The following SLC7A14 variants were observed in gnomAD, a reference collection of about 807,000 sequenced individuals.
SLC7A14 encodes gamma-aminobutyric acid transporter SLC7A14.
Under a neutral mutation model 60.2 loss-of-function variants are expected in SLC7A14, and 37 were observed. The observed-to-expected ratio is 0.61, with a 90% confidence interval of 0.47 to 0.81. SLC7A14 has a LOEUF of 0.81. SLC7A14 is among the 30% of genes least tolerant of loss of function. The probability of loss-of-function intolerance (pLI) is 0.00; values close to 1 mark genes in which losing one functional copy is unlikely to be tolerated. For missense variants in SLC7A14, 886 were observed against 982.7 expected (o/e 0.90, Z 1.32); for synonymous variants, 399 against 395.8 (o/e 1.01, Z -0.10).
intron 7 of SLC7A14, among the ~76,000 whole-genome samples, chr3:170,477,722 G>A (rs1028826876): frequency 6.6e-6 from 1 of 152,100 alleles, no homozygotes; most frequent in Admixed American, 6.5e-5. Flanking sequence ...GTGTATGTGT[G>A]GTTTTTCTAA....
intron 4 of SLC7A14, among the ~76,000 whole-genome samples, chr3:170,494,911 A>G (rs927046314): frequency 1.6e-4 from 25 of 152,222 alleles, no homozygotes; most frequent in African/African-American, 5.8e-4. Context: ...GCTTTGGTAG[A>G]AAGGGCTTTG....
intron 2 of SLC7A14, among the ~76,000 whole-genome samples, chr3:170,516,046 G>A (rs976687876): frequency 6.6e-6 from 1 of 152,160 alleles, no homozygotes; most frequent in Non-Finnish European, 1.5e-5. Context: ...ACTACTAGGT[G>A]CTGCAGAAGA....
At chr3:170,488,232 C>A (rs868742995) in intron 4 of SLC7A14, among the ~76,000 whole-genome samples, 1 of 152,156 alleles carries the variant, frequency 6.6e-6, no homozygotes. Flanking sequence ...TTTAAAAACT[C>A]CTGGTCTATT....
intron 2 of SLC7A14, among the ~76,000 whole-genome samples, chr3:170,520,155 C>G (rs1437290150): frequency 6.6e-6 from 1 of 152,226 alleles, no homozygotes; most frequent in East Asian, 1.9e-4. Context: ...GCTTTCACTC[C>G]ATTCCTTACG....
At chr3:170,540,066 G>A (rs917003478) in intron 1 of SLC7A14, among the ~76,000 whole-genome samples, 1 of 152,148 alleles carries the variant, frequency 6.6e-6, no homozygotes, top group African/African-American at 2.4e-5. Flanking sequence ...GGGGTGGGGG[G>A]TAGTACAGAG....
intron 1 of SLC7A14, among the ~76,000 whole-genome samples, chr3:170,544,267 G>T (rs1000412156): frequency 6.6e-6 from 1 of 151,816 alleles, no homozygotes. Flanking sequence ...CACATTACAG[G>T]ACTGAAAGAG....
At chr3:170,579,974 AC>A (rs1715192403) in intron 1 of SLC7A14, among the ~76,000 whole-genome samples, 1 of 152,208 alleles carries the variant, frequency 6.6e-6, no homozygotes, top group Non-Finnish European at 1.5e-5. Context: ...CTTGGCCATC[AC>A]TATTTATGCC....
chr3:170,503,962 A>C (rs1712689319), intron 2 of SLC7A14, among the ~76,000 whole-genome samples: 1 of 152,210 alleles, frequency 6.6e-6, no homozygotes, highest in South Asian at 2.1e-4. Context: ...GGTCCTAATG[A>C]CTGTAGTTTG....
At chr3:170,498,923 A>C (rs1393068247) in intron 3 of SLC7A14, 39 bp from the exon 4 acceptor site, 4 of 1,602,284 alleles carry the variant, frequency 2.5e-6, no homozygotes, top group Non-Finnish European at 3.4e-6. Context: ...GTCTGGAGGG[A>C]AGAAAGGGCC....
In SLC7A14 at chr3:170,486,378, T is replaced by C; in HGVS notation, c.760-10A>G. On this transcript the variant is annotated splice_polypyrimidine_tract_variant and intron_variant, in intron 4 of 7. Transcript: ENST00000231706. ...CTGCTCCTTGCAGCACCTGTGTGGA[T>C]GATGGCATTTGTCAGACTCAGAAGA... is the stretch of plus-strand genomic sequence containing the variant. The C allele has an allele frequency of 6.2e-7, 1 of 1,614,160 alleles. No homozygotes were observed. The highest frequency in any genetic ancestry group is 1.7e-5 in the Admixed American group (1 of 60,020).
At chr3:170,527,884 A>G (rs1347179468) in intron 1 of SLC7A14, among the ~76,000 whole-genome samples, 1 of 152,224 alleles carries the variant, frequency 6.6e-6, no homozygotes, top group Non-Finnish European at 1.5e-5. Flanking sequence ...GATATTTTGG[A>G]TAGCCTTAAT....
In SLC7A14 at chr3:170,487,144, G is replaced by A. The variant is rs11709713; in HGVS notation, c.760-776C>T. The stretch of plus-strand genomic sequence containing the variant: ...CGAGGCAGGAGGTCAGAGTAAAGCT[G>A]GGGGATGGTATCCGCTCACATCTGC... On this transcript the variant is annotated intron_variant, in intron 4 of 7. Coordinates refer to ENST00000231706, the MANE Select transcript of SLC7A14 (RefSeq NM_020949.3). Among the ~76,000 whole-genome samples the A allele has an allele frequency of 3.0e-3, 426 of 139,728 alleles. 1 individual carries two copies. The highest frequency in any genetic ancestry group is 0.024 in the Middle Eastern group (7 of 292). The allele number at this position is 139,728 out of a possible 152,430, so 91.7% of individuals were successfully genotyped here.
At chr3:170,473,099 A>T (rs553441490) in intron 7 of SLC7A14, among the ~76,000 whole-genome samples, 2 of 152,328 alleles carry the variant, frequency 1.3e-5, no homozygotes, top group South Asian at 4.1e-4. Flanking sequence ...TGTCCCACCC[A>T]GGTGCCTCCA....
chr3:170,575,105 G>A (rs1015725561), intron 1 of SLC7A14, among the ~76,000 whole-genome samples: 1 of 152,190 alleles, frequency 6.6e-6, no homozygotes, highest in African/African-American at 2.4e-5. Context: ...CCATAAGCCT[G>A]GATAAATTAT....
intron 5 of SLC7A14, among the ~76,000 whole-genome samples, chr3:170,485,945 C>T (rs1324832554): frequency 6.6e-6 from 1 of 152,170 alleles, no homozygotes; most frequent in African/African-American, 2.4e-5. Flanking sequence ...AGCCCATTCC[C>T]TGCACACCAG....
intron 6 of SLC7A14, 54 bp from the exon 7 acceptor site, chr3:170,481,220 A>G (rs1711809496): frequency 6.5e-7 from 1 of 1,545,390 alleles, no homozygotes; most frequent in Non-Finnish European, 8.7e-7. Flanking sequence ...GACCGATTCC[A>G]GTGCAGCCAA....
chr3:170,468,580 G>C (rs1739791429), intron 7 of SLC7A14, among the ~76,000 whole-genome samples: 1 of 152,192 alleles, frequency 6.6e-6, no homozygotes, highest in Non-Finnish European at 1.5e-5. Context: ...ACAGGCATGA[G>C]CCATCAGTCC....
intron 2 of SLC7A14, among the ~76,000 whole-genome samples, chr3:170,502,621 A>G (rs1373213255): frequency 2.0e-5 from 3 of 152,314 alleles, no homozygotes; most frequent in Admixed American, 2.0e-4. Context: ...TAATTTTGTT[A>G]AGGGCCAACC....
intron 1 of SLC7A14, among the ~76,000 whole-genome samples, chr3:170,563,182 T>C (rs1188087363): frequency 6.6e-6 from 1 of 152,124 alleles, no homozygotes; most frequent in Non-Finnish European, 1.5e-5. Flanking sequence ...ACTTGAAGAA[T>C]TGCATCTCAA....
Sources: allele counts gnomAD v4.1 joint callset (sites outside exome capture counted in the v4.1 genomes callset), GRCh38; gene constraint gnomAD v4.1.1; transcripts MANE v1.5; gene names NCBI Gene and HGNC (gene_info 2026-07-23, HGNC 2026-07-21).